The following TXLNB variants were observed in gnomAD, a reference collection of about 807,000 sequenced individuals.
The protein encoded by TXLNB is beta-taxilin.
TXLNB carries 37 observed loss-of-function variants against 57.4 expected under a neutral mutation model. That is an observed-to-expected ratio of 0.64 (90% CI 0.50 to 0.85). The LOEUF is 0.85. Ranked by LOEUF, TXLNB falls within the 40% of genes least tolerant of loss-of-function variation. The pLI is 0.00. For missense variants in TXLNB, 848 were observed against 825.6 expected (o/e 1.03, Z -0.33); for synonymous variants, 302 against 309.6 (o/e 0.98, Z 0.26).
chr6:139,231,534 T>C, the TXLNB span, among the ~76,000 whole-genome samples: 1 of 152,200 alleles, frequency 6.6e-6, no homozygotes, highest in Non-Finnish European at 1.5e-5. Context: ...TCTTTCCCTA[T>C]TTAATTTTTA....
intron 3 of TXLNB, 77 bp downstream of exon 3, chr6:139,276,753 G>A (rs1293049854): frequency 2.5e-5 from 26 of 1,046,700 alleles, no homozygotes; most frequent in Non-Finnish European, 3.5e-5. Flanking sequence ...GGATTGGCAG[G>A]TGTTTGTTGT....
At chr6:139,198,621 A>G in the TXLNB span, among the ~76,000 whole-genome samples, 1 of 152,212 alleles carries the variant, frequency 6.6e-6, no homozygotes, top group East Asian at 1.9e-4. Context: ...TCTGGCTTCC[A>G]ATTGGTTTTG....
At chr6:139,315,314 C>T in the TXLNB span, among the ~76,000 whole-genome samples, 1 of 152,178 alleles carries the variant, frequency 6.6e-6, no homozygotes, top group African/African-American at 2.4e-5. Context: ...AATAAAACTC[C>T]AGTCTCCCCC....
At chr6:139,281,949 C>A (rs980350337) in intron 2 of TXLNB, among the ~76,000 whole-genome samples, 1 of 151,374 alleles carries the variant, frequency 6.6e-6, no homozygotes, top group East Asian at 1.9e-4. Context: ...TCCATCCACT[C>A]CCTACCTTGG....
chr6:139,166,779 G>A, the TXLNB span: 1 of 1,613,766 alleles, frequency 6.2e-7, no homozygotes. Context: ...AAGGCAGTGG[G>A]TGCCGCAGCC....
intron 2 of TXLNB, among the ~76,000 whole-genome samples, chr6:139,280,566 C>T (rs1426729964): frequency 1.3e-5 from 2 of 152,150 alleles, no homozygotes; most frequent in African/African-American, 4.8e-5. Context: ...CTCGCTTGAA[C>T]CTGAGAGGCA....
the TXLNB span, chr6:139,176,941 G>A: frequency 1.1e-6 from 1 of 870,298 alleles, no homozygotes; most frequent in Non-Finnish European, 2.0e-6. The surrounding 1 kb of genome is among the most constrained non-coding windows in gnomAD (Gnocchi z 4.5). Context: ...TTTCCCCCAG[G>A]CCCGCCTGAA....
the TXLNB span, among the ~76,000 whole-genome samples, chr6:139,217,806 T>G: frequency 7.7e-6 from 1 of 129,276 alleles, no homozygotes; most frequent in South Asian, 2.3e-4. Flanking sequence ...GAGGCGGAGG[T>G]GGCAGTAAGC....
Position 139,283,839 on chromosome 6 carries a change from A to G in TXLNB, c.424+4637T>C, listed in dbSNP as rs1165838552. Among the ~76,000 whole-genome samples, 2 of 145,984 alleles carry G rather than the reference A, an allele frequency of 1.4e-5. 1 individual carries two copies. Among genetic ancestry groups the G allele is most frequent in the Non-Finnish European group, 3.0e-5 (2 of 65,574 alleles). ...AAAGCAAATAGCATCTAATAAATAC[A>G]ATGATTAAAGACATCTTTGATCAAG... On this transcript the variant is annotated intron_variant, in intron 2 of 9. Coordinates refer to ENST00000358430, the MANE Select transcript of TXLNB (RefSeq NM_153235.4).
the TXLNB span, among the ~76,000 whole-genome samples, chr6:139,183,736 G>A: frequency 1.3e-5 from 2 of 152,218 alleles, no homozygotes; most frequent in African/African-American, 4.8e-5. Context: ...GCTGAGGCCT[G>A]TAGCCCAGGA....
rs979316967 is a variant in TXLNB at position 139,240,778 on chromosome 6, A to G, written c.*1748T>C. The stretch of plus-strand genomic sequence containing the variant: ...TATCCTCACTGTCTACTTCAAACAA[A>G]CTGTATGCAGTTTACAATTCTTGTA... On this transcript the variant is annotated 3_prime_UTR_variant, in exon 10 of 10. Transcript: ENST00000358430. The G allele has an allele frequency of 6.6e-6, 1 of 152,456 alleles. No individual in the cohort carries two copies. The highest frequency in any genetic ancestry group is 2.4e-5 in the African/African-American group (1 of 41,452). The allele number at this position is 152,456 out of a possible 1,614,324, so 9.4% of individuals were successfully genotyped here.
chr6:139,207,094 G>GA, the TXLNB span, among the ~76,000 whole-genome samples: 2 of 151,958 alleles, frequency 1.3e-5, no homozygotes, highest in Non-Finnish European at 2.9e-5. Flanking sequence ...AGTCAACAGA[G>GA]AAAAAATAGA....
the TXLNB span, among the ~76,000 whole-genome samples, chr6:139,195,156 C>T: frequency 1.3e-5 from 2 of 152,260 alleles, no homozygotes; most frequent in East Asian, 3.9e-4. Context: ...GCCCCTTCCC[C>T]CATCTTGAAT....
At chr6:139,313,449 A>T in the TXLNB span, among the ~76,000 whole-genome samples, 1 of 152,094 alleles carries the variant, frequency 6.6e-6, no homozygotes, top group African/African-American at 2.4e-5. Context: ...AAAAAAAAAA[A>T]GTTTCCTCCC....
chr6:139,285,257 AAC>A (rs57409101), intron 2 of TXLNB, among the ~76,000 whole-genome samples: 6,573 of 119,940 alleles, frequency 0.055, 585 homozygotes, highest in African/African-American at 0.072. Context: ...CTTTCCCCTC[AAC>A]ACACACACAC....
At chr6:139,247,713 T>C (rs1776100671) in intron 8 of TXLNB, 104 bp downstream of exon 8, 12 of 761,876 alleles carry the variant, frequency 1.6e-5, no homozygotes, top group Non-Finnish European at 2.6e-5. Context: ...CATTACTTTG[T>C]GAAATGCACC....
chr6:139,313,691 AT>A, the TXLNB span, among the ~76,000 whole-genome samples: 2 of 151,510 alleles, frequency 1.3e-5, no homozygotes, highest in East Asian at 1.9e-4. Flanking sequence ...GAGCTGCTAT[AT>A]TTTTTTTTAA....
the TXLNB span, among the ~76,000 whole-genome samples, chr6:139,162,271 A>G: frequency 6.6e-6 from 1 of 152,136 alleles, no homozygotes; most frequent in Non-Finnish European, 1.5e-5. Context: ...TAAAATTGGT[A>G]TGTAGAGAGG....
the TXLNB span, among the ~76,000 whole-genome samples, chr6:139,310,000 T>C: frequency 6.6e-6 from 1 of 152,138 alleles, no homozygotes; most frequent in Non-Finnish European, 1.5e-5. Context: ...AAGACCTAAA[T>C]GGAAGACCTG....
Sources: gnomAD v4.1 joint callset for allele counts (sites outside exome capture counted in the v4.1 genomes callset) on GRCh38, gnomAD v4.1.1 for gene constraint, Gnocchi (gnomAD v3.1) non-coding constraint, MANE v1.5 for transcripts, NCBI Gene and HGNC (gene_info 2026-07-23, HGNC 2026-07-21) for gene names.